Variants in PDHA2 observed in about 807,000 individuals in gnomAD.
The protein encoded by PDHA2 is pyruvate dehydrogenase E1 subunit alpha 2.
For missense variants in PDHA2, 533 were observed against 495.8 expected (o/e 1.07, Z -0.71); for synonymous variants, 188 against 185.9 (o/e 1.01, Z -0.09).
Position 95,841,077 on chromosome 4 carries a change from A to C in PDHA2, c.927A>C (p.Arg309Ser). The stretch of plus-strand genomic sequence containing the variant: ...CACGAGAAGAAATTCAGGAAGTAAG[A>C]AGTAAGAGGGATCCTATAATAATTC... ...YRTREEIQEV[R>S]SKRDPIIILQ... is the part of the protein sequence containing the mutation. Residue 309 changes from arginine (R) to serine (S), a missense_variant, in exon 1 of 1, where the codon AGA becomes AGC. Transcript: ENST00000295266. 2.5e-6 allele frequency: 4 copies of C among 1,614,020 alleles called. No homozygotes were observed. The highest frequency in any genetic ancestry group is 3.4e-6 in the Non-Finnish European group (4 of 1,179,914).
In PDHA2 at chr4:95,840,182, G is replaced by A. The variant is rs772488746; in HGVS notation, c.32G>A (p.Arg11Lys). ...GCCGCCTTCATCTCCCGCGTGTTGA[G>A]GCGAGTTGCCCAGAAATCAGCTCGC... MLAAFISRVL[R>K]RVAQKSARRV... Residue 11 changes from arginine to lysine, a missense_variant, in exon 1 of 1, where the codon AGG becomes AAG. Arg to Lys is a conservative substitution (Grantham distance 26). Coordinates refer to ENST00000295266, the MANE Select transcript of PDHA2 (RefSeq NM_005390.5). The A allele has an allele frequency of 1.2e-6, 2 of 1,613,554 alleles. No homozygotes were observed. The highest frequency in any genetic ancestry group is 2.7e-5 in the African/African-American group (2 of 74,952).
Position 95,840,684 on chromosome 4 carries a change from C to T in PDHA2, c.534C>T (p.Ala178=), listed in dbSNP as rs548337417. ...CCCTGGGCGCTGGCATTGCTCTGGC[C>T]TGTAAATATAAAGGAAACGATGAGA... ...QGPLGAGIAL[A]CKYKGNDEIC... The change falls in exon 1 of 1, where the codon GCC becomes GCT. Residue 178 remains alanine (A), a synonymous_variant. Coordinates refer to ENST00000295266, the MANE Select transcript of PDHA2 (RefSeq NM_005390.5). 6.2e-7 allele frequency: 1 copy of T among 1,614,192 alleles called. No individual in the cohort carries two copies. Among genetic ancestry groups the T allele is most frequent in the Non-Finnish European group, 8.5e-7 (1 of 1,180,044 alleles).
chr4:95,840,664 G>GGC lies in PDHA2; in HGVS notation c.517_518dup (p.Gly174LeufsTer17). ...CATCGTCGGTGCACAGGGCCCCCTG[G>GGC]GCGCTGGCATTGCTCTGGCCTGTAA... On this transcript the variant is annotated frameshift_variant, in exon 1 of 1. Transcript: ENST00000295266. LOFTEE classifies it low-confidence loss of function (END_TRUNC). 1 of 1,614,196 alleles carries GGC rather than the reference G, an allele frequency of 6.2e-7. No homozygotes were observed. The highest frequency in any genetic ancestry group is 8.5e-7 in the Non-Finnish European group (1 of 1,180,028).
In PDHA2 at chr4:95,840,917, A is replaced by G. The variant is rs140729757; in HGVS notation, c.767A>G (p.Asp256Gly). The part of the protein sequence containing the change: ...FIPGLKVDGM[D>G]VLCVREATKF... ...CCTGGGCTAAAGGTCGATGGAATGG[A>G]TGTTCTGTGTGTTCGTGAGGCAACA... The change falls in exon 1 of 1, where the codon GAT (aspartate) becomes GGT (glycine). Residue 256 changes from aspartate to glycine, a missense_variant. By Grantham distance (94) the Asp-to-Gly change is moderately conservative. Transcript: ENST00000295266. The G allele has an allele frequency of 1.2e-6, 2 of 1,614,084 alleles. No individual in the cohort carries two copies. Among genetic ancestry groups the G allele is most frequent in the African/African-American group, 2.7e-5 (2 of 75,032 alleles).
At position 95,840,481 on chromosome 4, in the gene PDHA2, C is replaced by T; in HGVS notation, c.331C>T (p.His111Tyr). The T allele has an allele frequency of 1.9e-6, 3 of 1,614,198 alleles. No homozygotes were observed. Among genetic ancestry groups the T allele is most frequent in the Non-Finnish European group, 2.5e-6 (3 of 1,180,052 alleles). The change falls in exon 1 of 1, where the codon CAC becomes TAC. Residue 111 changes from histidine to tyrosine, a missense_variant. Coordinates refer to ENST00000295266, the MANE Select transcript of PDHA2 (RefSeq NM_005390.5). The stretch of plus-strand genomic sequence containing the variant: ...TGAGGCCGGCATAAACCCCTCGGAT[C>T]ACGTCATTACATCCTATAGGGCTCA... ...GLEAGINPSD[H>Y]VITSYRAHGV...
At position 95,840,884 on chromosome 4, in the gene PDHA2, A is replaced by G. The variant is rs770420305; in HGVS notation, c.734A>G (p.Asn245Ser). The G allele has an allele frequency of 7.4e-6, 12 of 1,614,088 alleles. No homozygotes were observed. Among genetic ancestry groups the G allele is most frequent in the Non-Finnish European group, 1.0e-5 (12 of 1,179,992 alleles). ...AGCCCTGATTACTACAAGAGGGGCA[A>G]TTTTATCCCTGGGCTAAAGGTCGAT... is the stretch of plus-strand genomic sequence containing the variant. ...AASPDYYKRG[N>S]FIPGLKVDGM... The change falls in exon 1 of 1, where the codon AAT (asparagine) becomes AGT (serine). Residue 245 changes from asparagine (N) to serine (S), a missense_variant. Asn to Ser is a conservative substitution (Grantham distance 46). Transcript: ENST00000295266.
Position 95,840,806 on chromosome 4 carries a change from T to C in PDHA2, c.656T>C (p.Ile219Thr). Residue 219 changes from isoleucine to threonine, a missense_variant, in exon 1 of 1, where the codon ATC (isoleucine) becomes ACC (threonine). Physicochemically the swap from Ile to Thr is moderately conservative, Grantham distance 89 (BLOSUM62 -1). Transcript: ENST00000295266. ...TTATGGAAATTACCTTGTGTTTTCA[T>C]CTGTGAGAATAACCTATATGGAATG... ...AALWKLPCVF[I>T]CENNLYGMGT... The C allele has an allele frequency of 6.2e-7, 1 of 1,614,164 alleles. No homozygotes were observed. The highest frequency in any genetic ancestry group is 8.5e-7 in the Non-Finnish European group (1 of 1,180,036).
Position 95,840,548 on chromosome 4 carries a change from T to G in PDHA2, c.398T>G (p.Leu133Arg). ...YTRGLSVRSILAELTGRRGGC... is the reference protein window; with the variant it reads ...YTRGLSVRSIRAELTGRRGGC... The stretch of plus-strand genomic sequence containing the variant: ...CGGGGACTTTCTGTCCGATCCATTC[T>G]CGCAGAGCTGACGGGAAGAAGAGGA... The change falls in exon 1 of 1, where the codon CTC becomes CGC. Residue 133 changes from leucine (L) to arginine (R), a missense_variant. Leu to Arg is a moderately radical substitution (Grantham distance 102). Coordinates refer to ENST00000295266, the MANE Select transcript of PDHA2 (RefSeq NM_005390.5). The G allele has an allele frequency of 6.2e-7, 1 of 1,614,198 alleles. No homozygotes were observed. The highest frequency in any genetic ancestry group is 8.5e-7 in the Non-Finnish European group (1 of 1,180,044).
rs368236748 is a variant in PDHA2, at chr4:95,840,830, T to C, written c.680T>C (p.Met227Thr). 4.3e-6 allele frequency: 7 copies of C among 1,614,020 alleles called. No homozygotes were observed. The highest frequency in any genetic ancestry group is 1.3e-5 in the African/African-American group (1 of 74,932). ...VFICENNLYGMGTSTERAAAS... is the reference protein window; with the variant it reads ...VFICENNLYGTGTSTERAAAS... ...ATCTGTGAGAATAACCTATATGGAATGGGAACATCTACTGAGAGAGCAGCA... is the reference window on the plus strand; with the variant it reads ...ATCTGTGAGAATAACCTATATGGAACGGGAACATCTACTGAGAGAGCAGCA... Residue 227 changes from methionine to threonine, a missense_variant, in exon 1 of 1, where the codon ATG (methionine) becomes ACG (threonine). Coordinates refer to ENST00000295266, the MANE Select transcript of PDHA2 (RefSeq NM_005390.5).
In PDHA2 at chr4:95,840,897, G is replaced by A. The variant is rs1416807284; in HGVS notation, c.747G>A (p.Gly249=). The change falls in exon 1 of 1, where the codon GGG becomes GGA. Residue 249 remains glycine, a synonymous_variant. Coordinates refer to ENST00000295266, the MANE Select transcript of PDHA2 (RefSeq NM_005390.5). The stretch of plus-strand genomic sequence containing the variant: ...ACAAGAGGGGCAATTTTATCCCTGG[G>A]CTAAAGGTCGATGGAATGGATGTTC... The part of the protein sequence containing the change: ...DYYKRGNFIP[G]LKVDGMDVLC... 1 of 1,613,984 alleles carries A rather than the reference G, an allele frequency of 6.2e-7. No homozygotes were observed. Among genetic ancestry groups the A allele is most frequent in the Non-Finnish European group, 8.5e-7 (1 of 1,180,024 alleles).
Position 95,840,794 on chromosome 4 carries a change from CTT to C in PDHA2, c.645_646del (p.Val217PhefsTer4). ...AATATGGCAGCTTTATGGAAATTACCTTGTGTTTTCATCTGTGAGAATAACCT... is the reference window on the plus strand; with the variant it reads ...AATATGGCAGCTTTATGGAAATTACCGTGTTTTCATCTGTGAGAATAACCT... On this transcript the variant is annotated frameshift_variant, in exon 1 of 1. Coordinates refer to ENST00000295266, the MANE Select transcript of PDHA2 (RefSeq NM_005390.5). LOFTEE classifies it low-confidence loss of function (END_TRUNC). 1 of 1,614,112 alleles carries C rather than the reference CTT, an allele frequency of 6.2e-7. No individual in the cohort carries two copies. The highest frequency in any genetic ancestry group is 8.5e-7 in the Non-Finnish European group (1 of 1,180,044).
rs1387193980 is a variant in PDHA2 at position 95,840,894 on chromosome 4, TG to T, written c.747del (p.Leu250Ter). The part of the protein sequence containing the change: ...DYYKRGNFIP[G>X]LKVDGMDVLC... ...ACTACAAGAGGGGCAATTTTATCCC[TG>T]GGCTAAAGGTCGATGGAATGGATGT... On this transcript the variant is annotated frameshift_variant, in exon 1 of 1. Transcript: ENST00000295266. LOFTEE classifies it low-confidence loss of function (END_TRUNC). 1 of 1,614,106 alleles carries T rather than the reference TG, an allele frequency of 6.2e-7. No individual in the cohort carries two copies. The highest frequency in any genetic ancestry group is 2.2e-5 in the East Asian group (1 of 44,864).
At position 95,841,051 on chromosome 4, in the gene PDHA2, A is replaced by T. The variant is rs1383168982; in HGVS notation, c.901A>T (p.Thr301Ser). The change falls in exon 1 of 1, where the codon ACA (threonine) becomes TCA (serine). Residue 301 changes from threonine to serine, a missense_variant. Thr to Ser is a moderately conservative substitution (Grantham distance 58, BLOSUM62 1). Transcript: ENST00000295266. The stretch of plus-strand genomic sequence containing the variant: ...GAGTGATCCTGGAGTCAGTTATCGT[A>T]CACGAGAAGAAATTCAGGAAGTAAG... ...SMSDPGVSYRTREEIQEVRSK... is the reference protein window; with the variant it reads ...SMSDPGVSYRSREEIQEVRSK... The T allele has an allele frequency of 1.2e-6, 2 of 1,614,062 alleles. No individual in the cohort carries two copies. Among genetic ancestry groups the T allele is most frequent in the Non-Finnish European group, 1.7e-6 (2 of 1,180,038 alleles).
Position 95,841,141 on chromosome 4 carries a change from G to A in PDHA2, c.991G>A (p.Glu331Lys), listed in dbSNP as rs111658810. ...RMVNSKLATVEELKEIGAEVR... is the reference protein window; with the variant it reads ...RMVNSKLATVKELKEIGAEVR... Reference sequence around the variant, plus strand: ...GGTAAACAGCAAGCTCGCCACTGTGGAAGAATTAAAGGAAATTGGGGCTGA... The same window carrying A: ...GGTAAACAGCAAGCTCGCCACTGTGAAAGAATTAAAGGAAATTGGGGCTGA... Residue 331 changes from glutamate (E) to lysine (K), a missense_variant, in exon 1 of 1, where the codon GAA becomes AAA. By Grantham distance (56) the Glu-to-Lys change is moderately conservative. Transcript: ENST00000295266. 3.2e-5 allele frequency: 52 copies of A among 1,614,022 alleles called. No individual in the cohort carries two copies. In the African/African-American group the frequency reaches 6.0e-4, roughly 19 times the overall value.
Position 95,840,636 on chromosome 4 carries a change from T to G in PDHA2, c.486T>G (p.Asn162Lys), listed in dbSNP as rs1228898282. ...ATACCAAGAACTTCTATGGGGGCAA[T>G]GGCATCGTCGGTGCACAGGGCCCCC... ...HMYTKNFYGG[N>K]GIVGAQGPLG... Residue 162 changes from asparagine (N) to lysine (K), a missense_variant, in exon 1 of 1, where the codon AAT (asparagine) becomes AAG (lysine). Coordinates refer to ENST00000295266, the MANE Select transcript of PDHA2 (RefSeq NM_005390.5). 4 of 1,614,042 alleles carry G rather than the reference T, an allele frequency of 2.5e-6. No individual in the cohort carries two copies. Among genetic ancestry groups the G allele is most frequent in the Non-Finnish European group, 3.4e-6 (4 of 1,180,030 alleles).
In PDHA2 at chr4:95,841,037, G is replaced by A. The variant is rs1315404470; in HGVS notation, c.887G>A (p.Gly296Glu). The A allele has an allele frequency of 2.9e-5, 47 of 1,613,602 alleles. No individual in the cohort carries two copies. Among genetic ancestry groups the A allele is most frequent in the Non-Finnish European group, 3.8e-5 (45 of 1,179,640 alleles). Residue 296 changes from glycine to glutamate, a missense_variant, in exon 1 of 1, where the codon GGA becomes GAA. Coordinates refer to ENST00000295266, the MANE Select transcript of PDHA2 (RefSeq NM_005390.5). Reference protein sequence around the residue: ...RYHGHSMSDPGVSYRTREEIQ... With the variant: ...RYHGHSMSDPEVSYRTREEIQ... ...CATGGACACAGTATGAGTGATCCTG[G>A]AGTCAGTTATCGTACACGAGAAGAA...
In PDHA2 at chr4:95,840,665, G is replaced by A; in HGVS notation, c.515G>A (p.Gly172Asp). 6.2e-7 allele frequency: 1 copy of A among 1,614,224 alleles called. No homozygotes were observed. The highest frequency in any genetic ancestry group is 8.5e-7 in the Non-Finnish European group (1 of 1,180,044). The stretch of plus-strand genomic sequence containing the variant: ...ATCGTCGGTGCACAGGGCCCCCTGG[G>A]CGCTGGCATTGCTCTGGCCTGTAAA... ...NGIVGAQGPL[G>D]AGIALACKYK... The change falls in exon 1 of 1, where the codon GGC becomes GAC. Residue 172 changes from glycine (G) to aspartate (D), a missense_variant. Gly to Asp is a moderately conservative substitution (Grantham distance 94, BLOSUM62 -1). Transcript: ENST00000295266.
Position 95,840,382 on chromosome 4 carries a change from C to T in PDHA2, c.232C>T (p.Gln78Ter), listed in dbSNP as rs142996162. The T allele has an allele frequency of 1.6e-4, 259 of 1,614,218 alleles. 1 individual carries two copies. The African/African-American group carries it at 2.1e-3, about 13-fold the overall frequency. Residue 78 changes from glutamine to a stop codon, truncating the protein, a stop_gained, in exon 1 of 1, where the codon CAG becomes TAG. Transcript: ENST00000295266. LOFTEE classifies it low-confidence loss of function (END_TRUNC). ...TCGCCGCATGGAATTGAAGGCAGATCAGCTGTACAAACAGAAATTCATTCG... is the reference window on the plus strand; with the variant it reads ...TCGCCGCATGGAATTGAAGGCAGATTAGCTGTACAAACAGAAATTCATTCG... ...TVRRMELKAD[Q>*]LYKQKFIRGF...
Position 95,841,434 on chromosome 4 carries a change from A to G in PDHA2, c.*117A>G. On this transcript the variant is annotated 3_prime_UTR_variant, in exon 1 of 1. Transcript: ENST00000295266. ...AAACTCATAAAACAAAAGCCTTGTA[A>G]GCATTTATTAAAAGAGATTATTAAA... 2 of 748,976 alleles carry G rather than the reference A, an allele frequency of 2.7e-6. No individual in the cohort carries two copies. Among genetic ancestry groups the G allele is most frequent in the South Asian group, 3.7e-5 (2 of 53,810 alleles). 46.4% of individuals were successfully genotyped at this position (748,976 alleles called of 1,614,324 possible).
Sources: gnomAD v4.1 joint callset for allele counts on GRCh38, gnomAD v4.1.1 for gene constraint, MANE v1.5 for transcripts, NCBI Gene and HGNC (gene_info 2026-07-23, HGNC 2026-07-21) for gene names.